ATP8A2: variants seen among roughly 807,000 people sequenced by gnomAD.
The protein encoded by ATP8A2 is ATPase phospholipid transporting 8A2.
In ATP8A2, 100 loss-of-function variants were observed where a neutral mutation model predicts 165.6. That is an observed-to-expected ratio of 0.60 (90% CI 0.51 to 0.71). ATP8A2 has a LOEUF of 0.71. ATP8A2 is among the 30% of genes least tolerant of loss of function. The pLI is 0.00. For missense variants in ATP8A2, 1,227 were observed against 1,479.5 expected (o/e 0.83, Z 2.80); for synonymous variants, 543 against 548.8 (o/e 0.99, Z 0.15).
intron 24 of ATP8A2, among the ~76,000 whole-genome samples, chr13:25,621,933 G>A (rs554497699): frequency 3.3e-5 from 5 of 152,264 alleles, no homozygotes; most frequent in African/African-American, 1.2e-4. Flanking sequence ...AGCACTTTGG[G>A]AAGCTGAGGT....
chr13:25,970,962 T>C (rs1955897525), intron 35 of ATP8A2, among the ~76,000 whole-genome samples: 2 of 152,368 alleles, frequency 1.3e-5, no homozygotes, highest in East Asian at 3.9e-4. Context: ...TCTTATTTTC[T>C]GGTTCCTTGT....
intron 33 of ATP8A2, among the ~76,000 whole-genome samples, chr13:25,895,210 T>A (rs1199103075): frequency 6.6e-6 from 1 of 152,228 alleles, no homozygotes; most frequent in Admixed American, 6.5e-5. Context: ...ATATGTCCCA[T>A]CAATACCTAA....
chr13:25,911,131 C>T (rs1954093477), intron 33 of ATP8A2, among the ~76,000 whole-genome samples: 1 of 152,020 alleles, frequency 6.6e-6, no homozygotes, highest in Non-Finnish European at 1.5e-5. Flanking sequence ...TGACTGACCC[C>T]TTTCTCTCCT....
chr13:25,937,186 G>C (rs1954915471), intron 33 of ATP8A2, among the ~76,000 whole-genome samples: 1 of 151,962 alleles, frequency 6.6e-6, no homozygotes, highest in African/African-American at 2.4e-5. Flanking sequence ...ACATACAACT[G>C]TATGTCATTG....
chr13:25,510,265 G>A (rs1050458711), intron 2 of ATP8A2, among the ~76,000 whole-genome samples: 4 of 151,558 alleles, frequency 2.6e-5, no homozygotes, highest in Non-Finnish European at 5.9e-5. Context: ...TGTACACTTT[G>A]GGTAGACATG....
At chr13:25,864,612 A>G (rs1047448126) in intron 33 of ATP8A2, among the ~76,000 whole-genome samples, 2 of 152,252 alleles carry the variant, frequency 1.3e-5, no homozygotes, top group Non-Finnish European at 2.9e-5. Flanking sequence ...GATCATATTC[A>G]ACCACATTGC....
chr13:25,418,257 G>A (rs1181839741), intron 1 of ATP8A2, among the ~76,000 whole-genome samples: 3 of 152,048 alleles, frequency 2.0e-5, no homozygotes, highest in Non-Finnish European at 2.9e-5. Context: ...CTTAACATTT[G>A]CATGGAACTA....
At chr13:25,894,115 A>G (rs1296917763) in intron 33 of ATP8A2, among the ~76,000 whole-genome samples, 6 of 152,306 alleles carry the variant, frequency 3.9e-5, no homozygotes, top group East Asian at 3.9e-4. Flanking sequence ...GCCCATGCCT[A>G]TGTCCCGAAT....
chr13:25,582,513 T>C (rs949532517), intron 23 of ATP8A2, among the ~76,000 whole-genome samples: 1 of 152,252 alleles, frequency 6.6e-6, no homozygotes, highest in Non-Finnish European at 1.5e-5. Flanking sequence ...ACTCATTTTT[T>C]AAAAATCTAA....
At chr13:25,803,166 G>C (rs1950657521) in intron 27 of ATP8A2, among the ~76,000 whole-genome samples, 1 of 152,142 alleles carries the variant, frequency 6.6e-6, no homozygotes, top group Non-Finnish European at 1.5e-5. Context: ...CAGGAGAGCA[G>C]TTCTTGGATA....
At chr13:25,969,608 TAAAG>T (rs374535418) in intron 35 of ATP8A2, among the ~76,000 whole-genome samples, 9 of 152,222 alleles carry the variant, frequency 5.9e-5, no homozygotes, top group South Asian at 2.1e-4. Context: ...ATTTTTTTGT[TAAAG>T]AAAGAGAATG....
chr13:25,687,165 G>A (rs1277881001), intron 24 of ATP8A2, among the ~76,000 whole-genome samples: 1 of 152,182 alleles, frequency 6.6e-6, no homozygotes, highest in Non-Finnish European at 1.5e-5. Context: ...CAGGAGTTCA[G>A]GAGGCAGCAG....
chr13:25,448,801 C>A (rs1375889790), intron 1 of ATP8A2, among the ~76,000 whole-genome samples: 1 of 152,080 alleles, frequency 6.6e-6, no homozygotes. Context: ...AGGCACCTGC[C>A]ACCAGCCCTG....
intron 2 of ATP8A2, among the ~76,000 whole-genome samples, chr13:25,525,620 A>C (rs2037818404): frequency 6.6e-6 from 1 of 152,000 alleles, no homozygotes; most frequent in South Asian, 2.1e-4. Flanking sequence ...GCACTTTGAA[A>C]ATTTTGTTCC....
chr13:25,887,975 A>G (rs1375998514), intron 33 of ATP8A2, among the ~76,000 whole-genome samples: 2 of 151,968 alleles, frequency 1.3e-5, no homozygotes, highest in African/African-American at 4.8e-5. Flanking sequence ...ACTAACATGG[A>G]TATCACCACC....
chr13:25,591,246 A>G, intron 24 of ATP8A2: 2 of 456,498 alleles, frequency 4.4e-6, no homozygotes, highest in Non-Finnish European at 8.8e-6. Flanking sequence ...ACCACTATCC[A>G]TCCACAGAAC....
At chr13:25,657,546 T>C (rs188388645) in intron 24 of ATP8A2, among the ~76,000 whole-genome samples, 25 of 152,346 alleles carry the variant, frequency 1.6e-4, no homozygotes, top group Admixed American at 1.5e-3. Flanking sequence ...CCAGAACTCC[T>C]GATTTTTCAA....
chr13:25,380,150 G>C (rs1398669411), intron 1 of ATP8A2, among the ~76,000 whole-genome samples: 1 of 152,134 alleles, frequency 6.6e-6, no homozygotes, highest in African/African-American at 2.4e-5. Context: ...AGAGAGACGT[G>C]CAAGTCATGA....
At chr13:25,557,991 C>T (rs2039031759) in intron 13 of ATP8A2, among the ~76,000 whole-genome samples, 1 of 152,052 alleles carries the variant, frequency 6.6e-6, no homozygotes. Context: ...GCAACCTCTG[C>T]CTCCTGGGTT....
Sources: gnomAD v4.1 joint callset for allele counts (sites outside exome capture counted in the v4.1 genomes callset) on GRCh38, gnomAD v4.1.1 for gene constraint, MANE v1.5 for transcripts, NCBI Gene and HGNC (gene_info 2026-07-23, HGNC 2026-07-21) for gene names.